Variants in ACVR2A observed in about 807,000 individuals in gnomAD.
ACVR2A encodes activin receptor type-2A.
Under a neutral mutation model 61.4 loss-of-function variants are expected in ACVR2A, and 7 were observed. The observed-to-expected ratio is 0.11, with a 90% CI of 0.06 to 0.21. The LOEUF is 0.21. ACVR2A is among the 10% of genes least tolerant of loss of function. ACVR2A has a pLI of 1.00. For missense variants in ACVR2A, 322 were observed against 621.7 expected (o/e 0.52, Z 5.13); for synonymous variants, 193 against 208.3 (o/e 0.93, Z 0.63).
intron 1 of ACVR2A, 59 bp from the exon 2 acceptor site, chr2:147,896,242 A>G: frequency 6.8e-7 from 1 of 1,470,164 alleles, no homozygotes; most frequent in Non-Finnish European, 9.4e-7. Flanking sequence ...CTATCTTGGG[A>G]AACAGTCTTT....
At chr2:147,920,094 C>A in intron 7 of ACVR2A, 136 bp from the exon 8 acceptor site, 1 of 616,994 alleles carries the variant, frequency 1.6e-6, no homozygotes, top group Non-Finnish European at 2.8e-6. Flanking sequence ...CTTTGTTTGT[C>A]TCACTTTCTC....
intron 1 of ACVR2A, among the ~76,000 whole-genome samples, chr2:147,862,868 T>A (rs906911656): frequency 6.6e-6 from 1 of 152,222 alleles, no homozygotes; most frequent in African/African-American, 2.4e-5. Flanking sequence ...TGGCAAGTTA[T>A]GTCACAGCAC....
chr2:147,924,607 G>C (rs1313202809), intron 9 of ACVR2A, among the ~76,000 whole-genome samples: 2 of 151,946 alleles, frequency 1.3e-5, no homozygotes, highest in East Asian at 3.9e-4. Flanking sequence ...AGGCATTTCT[G>C]ACTCTTAAGT....
At chr2:147,905,771 A>G (rs539916467) in intron 4 of ACVR2A, among the ~76,000 whole-genome samples, 1 of 152,258 alleles carries the variant, frequency 6.6e-6, no homozygotes, top group African/African-American at 2.4e-5. Context: ...CATCAGGCAT[A>G]TATAATTTAT....
intron 1 of ACVR2A, among the ~76,000 whole-genome samples, chr2:147,855,065 G>A (rs1230783728): frequency 6.6e-6 from 1 of 152,032 alleles, no homozygotes; most frequent in Non-Finnish European, 1.5e-5. Context: ...ATTTTTGGTA[G>A]AGAGGGGGTT....
At chr2:147,926,257 T>G in intron 10 of ACVR2A, 96 bp downstream of exon 10, 1 of 1,461,058 alleles carries the variant, frequency 6.8e-7, no homozygotes, top group Non-Finnish European at 9.3e-7. Context: ...TCTGCAAGTA[T>G]TTTCTGGAAG....
intron 1 of ACVR2A, among the ~76,000 whole-genome samples, chr2:147,857,335 A>T (rs1041346427): frequency 1.3e-5 from 2 of 152,070 alleles, no homozygotes; most frequent in Non-Finnish European, 2.9e-5. Context: ...GTATTTTTGT[A>T]ATTAATATCT....
At chr2:147,899,617 C>T (rs1391601716) in intron 3 of ACVR2A, 50 bp downstream of exon 3, 1 of 1,585,526 alleles carries the variant, frequency 6.3e-7, no homozygotes, top group Non-Finnish European at 8.6e-7. Context: ...AGATTGGAAA[C>T]AAAATATATT....
At chr2:147,888,198 C>T (rs1208846896) in intron 1 of ACVR2A, among the ~76,000 whole-genome samples, 1 of 152,120 alleles carries the variant, frequency 6.6e-6, no homozygotes, top group East Asian at 1.9e-4. Flanking sequence ...TCTGTCAGTA[C>T]CTTGCTGTCT....
intron 1 of ACVR2A, 141 bp downstream of exon 1, chr2:147,845,348 G>GCCCCCC (rs557975990): frequency 1.1e-4 from 31 of 272,120 alleles, no homozygotes; most frequent in African/African-American, 4.7e-4. Flanking sequence ...GGCTGCCACC[G>GCCCCCC]CCCCCCCCCC....
At chr2:147,861,055 A>C in intron 1 of ACVR2A, among the ~76,000 whole-genome samples, 1 of 152,224 alleles carries the variant, frequency 6.6e-6, no homozygotes, top group Non-Finnish European at 1.5e-5. Context: ...AACCTACTTT[A>C]CACAGTTGTT....
chr2:147,861,122 G>A lies in ACVR2A; in HGVS notation c.55+15915G>A, dbSNP rs185661986. On this transcript the variant is annotated intron_variant, in intron 1 of 10. Coordinates refer to ENST00000241416, the MANE Select transcript of ACVR2A (RefSeq NM_001616.5). ...TGCTTTGAATGATTTCTCACATGTA[G>A]CATTCTAAATAACTAAATAAATATT... is the stretch of plus-strand genomic sequence containing the variant. Among the ~76,000 whole-genome samples the A allele has an allele frequency of 7.1e-3, 1,082 of 152,242 alleles. 7 individuals carry two copies. Among genetic ancestry groups the A allele is most frequent in the Admixed American group, 0.011 (172 of 15,292 alleles).
At chr2:147,898,737 A>G (rs2105193081) in intron 2 of ACVR2A, among the ~76,000 whole-genome samples, 1 of 152,190 alleles carries the variant, frequency 6.6e-6, no homozygotes, top group East Asian at 1.9e-4. Context: ...TTCATGACTT[A>G]AGGTCCTATA....
At chr2:147,925,881 A>C in intron 9 of ACVR2A, 150 bp from the exon 10 acceptor site, 1 of 715,178 alleles carries the variant, frequency 1.4e-6, no homozygotes, top group Non-Finnish European at 2.2e-6. Flanking sequence ...CTGTGGTATA[A>C]GTACAGTTGA....
intron 9 of ACVR2A, chr2:147,925,744 A>AT (rs1190218064): frequency 1.4e-5 from 4 of 278,148 alleles, no homozygotes; most frequent in Non-Finnish European, 2.7e-5. Flanking sequence ...ATTGTTCCTT[A>AT]TGTCCTCTGT....
At chr2:147,852,037 G>T (rs1006318013) in intron 1 of ACVR2A, among the ~76,000 whole-genome samples, 1 of 151,856 alleles carries the variant, frequency 6.6e-6, no homozygotes, top group African/African-American at 2.4e-5. Context: ...AAGAAAAGAT[G>T]ATTTTGCTCA....
chr2:147,855,815 T>C (rs1685557238), intron 1 of ACVR2A, among the ~76,000 whole-genome samples: 1 of 152,180 alleles, frequency 6.6e-6, no homozygotes. Flanking sequence ...AATTTCTATC[T>C]TTAGATTTTG....
chr2:147,895,095 C>T (rs1200313475), intron 1 of ACVR2A, among the ~76,000 whole-genome samples: 1 of 151,994 alleles, frequency 6.6e-6, no homozygotes, highest in East Asian at 1.9e-4. Context: ...ACAAACCAGT[C>T]TTTTATTATT....
intron 1 of ACVR2A, among the ~76,000 whole-genome samples, chr2:147,852,091 A>G (rs928545063): frequency 6.6e-6 from 1 of 152,088 alleles, no homozygotes; most frequent in South Asian, 2.1e-4. Context: ...AAATTTTTTT[A>G]AATAATTAAA....
Sources: allele counts gnomAD v4.1 joint callset (sites outside exome capture counted in the v4.1 genomes callset), GRCh38; gene constraint gnomAD v4.1.1; transcripts MANE v1.5; gene names NCBI Gene and HGNC (gene_info 2026-07-23, HGNC 2026-07-21).